Variants in ACOX3 observed in about 807,000 individuals in gnomAD.
ACOX3 encodes the protein peroxisomal acyl-coenzyme A oxidase 3.
A neutral mutation model predicts 81.5 loss-of-function variants in ACOX3; 73 were observed. That is an observed-to-expected ratio of 0.90 (90% CI 0.74 to 1.09). The LOEUF is 1.09. Ranked by LOEUF, ACOX3 falls within the 50% of genes least tolerant of loss-of-function variation. The probability of loss-of-function intolerance (pLI) is 0.00; values close to 1 mark genes in which losing one functional copy is unlikely to be tolerated. For synonymous variants in ACOX3, 387 were observed against 375.1 expected, an observed-to-expected ratio of 1.03 and a Z score of -0.37; for missense variants, 947 against 928.0, an observed-to-expected ratio of 1.02 and a Z score of -0.27.
rs2108903109 is a variant in ACOX3 at position 8,399,854 on chromosome 4, C to G, written c.777-202G>C. ...GTGGCTCACGCCCAGAATCCCAACT[C>G]TTTGGAAGACTGAGGCAGGAGGATT... On this transcript the variant is annotated intron_variant, in intron 7 of 17. Transcript: ENST00000356406. The surrounding 1 kb of genome is among the most constrained non-coding windows in gnomAD (Gnocchi z 4.9). 6.6e-6 allele frequency among the ~76,000 whole-genome samples: 1 copy of G among 152,316 alleles called. No homozygotes were observed. The highest frequency in any genetic ancestry group is 2.1e-4 in the South Asian group (1 of 4,820).
chr4:8,394,912 C>G lies in ACOX3; in HGVS notation c.1057-170G>C. ...ACATCAGAAAGCCTTCACCCTGACA[C>G]GCTCTCAACTCAGCCAGTTCGGCTT... On this transcript the variant is annotated intron_variant, in intron 9 of 17. Transcript: ENST00000356406. The surrounding 1 kb of genome is among the most constrained non-coding windows in gnomAD (Gnocchi z 5.9). The G allele has an allele frequency of 1.1e-6, 1 of 874,946 alleles. No individual in the cohort carries two copies. The highest frequency in any genetic ancestry group is 1.7e-6 in the Non-Finnish European group (1 of 602,032). 54.2% of individuals were successfully genotyped at this position (874,946 alleles called of 1,614,324 possible). A position where few individuals can be genotyped will look rare whatever the true frequency, so the allele number is the denominator to read the frequency against.
chr4:8,355,549 G>T, the ACOX3 span: 1 of 152,132 alleles, frequency 6.6e-6, no homozygotes, highest in Non-Finnish European at 1.5e-5. Flanking sequence ...ATACATTCCT[G>T]GTCAATTAAA....
chr4:8,416,596 C>T lies in ACOX3; in HGVS notation c.-14-61G>A. 6.7e-7 allele frequency: 1 copy of T among 1,483,446 alleles called. No individual in the cohort carries two copies. 91.9% of individuals were successfully genotyped at this position (1,483,446 alleles called of 1,614,324 possible). ...CATCTATGGGTTCAAACTACCCCCA[C>T]CAACAGGAGAGCCCGCAACACCTTA... On this transcript the variant is annotated intron_variant, in intron 1 of 17. Transcript: ENST00000356406. This position sits in a 1 kb window ranked among gnomAD's most constrained non-coding sequence, Gnocchi z 4.2.
In ACOX3 at chr4:8,370,542, G is replaced by A. The variant is rs765955581; in HGVS notation, c.1983+366C>T. On this transcript the variant is annotated intron_variant, in intron 17 of 17. Transcript: ENST00000356406. The surrounding 1 kb of genome is among the most constrained non-coding windows in gnomAD (Gnocchi z 6.3). The stretch of plus-strand genomic sequence containing the variant: ...CAGGGATGGGGGAAGAGGCCTGCAG[G>A]GCCAGGAGCATGGTCAGATGGGGGT... Among the ~76,000 whole-genome samples the A allele has an allele frequency of 6.6e-6, 1 of 151,706 alleles. No individual in the cohort carries two copies. Among genetic ancestry groups the A allele is most frequent in the African/African-American group, 2.4e-5 (1 of 41,260 alleles).
chr4:8,372,480 A>G lies in ACOX3; in HGVS notation c.1896+1081T>C, dbSNP rs1716335916. On this transcript the variant is annotated intron_variant, in intron 16 of 17. Transcript: ENST00000356406. ...CGTGCTTTCCTTGGTGCACCTGCATACTCTGAAGGCCTCCATGGGGTCAAC... is the reference window on the plus strand; with the variant it reads ...CGTGCTTTCCTTGGTGCACCTGCATGCTCTGAAGGCCTCCATGGGGTCAAC... 3.3e-5 allele frequency among the ~76,000 whole-genome samples: 5 copies of G among 151,990 alleles called. No individual in the cohort carries two copies. In the South Asian group the frequency reaches 8.3e-4, roughly 25 times the overall value.
chr4:8,387,051 G>A (rs1718399553), intron 13 of ACOX3, among the ~76,000 whole-genome samples: 1 of 152,232 alleles, frequency 6.6e-6, no homozygotes. Flanking sequence ...CTGGTCTCCT[G>A]AATGCAAAGC....
chr4:8,440,456 G>A (rs746260798), intron 1 of ACOX3, among the ~76,000 whole-genome samples, 192 bp downstream of exon 1: 17 of 152,192 alleles, frequency 1.1e-4, no homozygotes, highest in Non-Finnish European at 2.1e-4. Flanking sequence ...CAGAACCCAA[G>A]TGGAGAAAAG....
Position 8,414,220 on chromosome 4 carries a change from G to A in ACOX3, c.543+72C>T. On this transcript the variant is annotated intron_variant, in intron 5 of 17. Coordinates refer to ENST00000356406, the MANE Select transcript of ACOX3 (RefSeq NM_003501.3). The surrounding 1 kb of genome is among the most constrained non-coding windows in gnomAD (Gnocchi z 6.1). ...TTTAATGTTTTTTTTTTCTTATTCT[G>A]GGCAACGGCATTTGCACTCATGACG... 7.8e-7 allele frequency: 1 copy of A among 1,281,686 alleles called. No individual in the cohort carries two copies. The highest frequency in any genetic ancestry group is 1.1e-6 in the Non-Finnish European group (1 of 888,308). The allele number at this position is 1,281,686 out of a possible 1,614,324, so 79.4% of individuals were successfully genotyped here.
chr4:8,373,261 A>C (rs1423545622), intron 16 of ACOX3, among the ~76,000 whole-genome samples: 5 of 151,678 alleles, frequency 3.3e-5, no homozygotes, highest in Non-Finnish European at 7.4e-5. Context: ...ATTTTCTTGT[A>C]ATCCTACAGT....
chr4:8,408,696 C>T (rs1025048614), intron 6 of ACOX3, among the ~76,000 whole-genome samples: 1 of 152,128 alleles, frequency 6.6e-6, no homozygotes, highest in African/African-American at 2.4e-5. Context: ...TCCCAGCACA[C>T]GACTCCTAAA....
intron 6 of ACOX3, among the ~76,000 whole-genome samples, chr4:8,408,333 G>A (rs1388037568): frequency 6.6e-6 from 1 of 151,944 alleles, no homozygotes; most frequent in African/African-American, 2.4e-5. Context: ...CTCAGGTCTG[G>A]GGCGCAGATC....
chr4:8,404,718 A>AC (rs1194174052), intron 7 of ACOX3, among the ~76,000 whole-genome samples: 1 of 152,084 alleles, frequency 6.6e-6, no homozygotes, highest in African/African-American at 2.4e-5. Flanking sequence ...GGTCATGATA[A>AC]CCAGTTATTT....
At position 8,436,898 on chromosome 4, in the gene ACOX3, A is replaced by C. The variant is rs377004553; in HGVS notation, c.-15+3750T>G. Among the ~76,000 whole-genome samples, 4 of 149,062 alleles carry C rather than the reference A, an allele frequency of 2.7e-5. No homozygotes were observed. The East Asian group carries it at 7.8e-4, about 29-fold the overall frequency. On this transcript the variant is annotated intron_variant, in intron 1 of 17. Coordinates refer to ENST00000356406, the MANE Select transcript of ACOX3 (RefSeq NM_003501.3). ...TCCCAGCTACTCGGGAGGCTGAGGCAGGAGAATTGTGTGAACCTGGGAGGT... is the reference window on the plus strand; with the variant it reads ...TCCCAGCTACTCGGGAGGCTGAGGCCGGAGAATTGTGTGAACCTGGGAGGT...
chr4:8,426,429 C>G (rs979285328), intron 1 of ACOX3, among the ~76,000 whole-genome samples: 3 of 152,074 alleles, frequency 2.0e-5, no homozygotes, highest in African/African-American at 7.2e-5. Context: ...TTCCTGTGAA[C>G]CTCTAGAGGA....
intron 1 of ACOX3, chr4:8,436,507 A>AG (rs1724242884): frequency 6.6e-6 from 1 of 152,206 alleles, no homozygotes; most frequent in African/African-American, 2.4e-5. Flanking sequence ...AAAAGGGGAA[A>AG]AAAGACCCAG....
In ACOX3 at chr4:8,416,742, C is replaced by T. The variant is rs887024877; in HGVS notation, c.-14-207G>A. 2.0e-5 allele frequency among the ~76,000 whole-genome samples: 3 copies of T among 152,264 alleles called. No homozygotes were observed. The highest frequency in any genetic ancestry group is 4.4e-5 in the Non-Finnish European group (3 of 68,042). ...AAGAATTCCCTCGTCCACTCCTGAA[C>T]ACAGATGCCAAGGACACAGAAGAGA... On this transcript the variant is annotated intron_variant, in intron 1 of 17. Transcript: ENST00000356406. This position sits in a 1 kb window ranked among gnomAD's most constrained non-coding sequence, Gnocchi z 4.2.
At chr4:8,367,523 G>A (rs1169182705) in intron 17 of ACOX3, among the ~76,000 whole-genome samples, 1 of 151,586 alleles carries the variant, frequency 6.6e-6, no homozygotes, top group East Asian at 1.9e-4. Flanking sequence ...AAAAAGCACA[G>A]GAAATTCTCT....
At position 8,432,716 on chromosome 4, in the gene ACOX3, C is replaced by T. The variant is rs968648195; in HGVS notation, c.-15+7932G>A. Among the ~76,000 whole-genome samples, 1 of 152,146 alleles carries T rather than the reference C, an allele frequency of 6.6e-6. No homozygotes were observed. Among genetic ancestry groups the T allele is most frequent in the Admixed American group, 6.5e-5 (1 of 15,274 alleles). On this transcript the variant is annotated intron_variant, in intron 1 of 17. Transcript: ENST00000356406. This position sits in a 1 kb window ranked among gnomAD's most constrained non-coding sequence, Gnocchi z 6.2. ...CTGCCACTCAGGGCGCTCAGAGCAG[C>T]CAGGGACTTCCGGTTGGAGCCTCCA... is the stretch of plus-strand genomic sequence containing the variant.
At chr4:8,440,307 C>G (rs1560213621) in intron 1 of ACOX3, among the ~76,000 whole-genome samples, 1 of 152,250 alleles carries the variant, frequency 6.6e-6, no homozygotes, top group Non-Finnish European at 1.5e-5. Flanking sequence ...GGAGTTTTGT[C>G]TGTGGCTTGT....
Sources: allele counts gnomAD v4.1 joint callset (sites outside exome capture counted in the v4.1 genomes callset), GRCh38; gene constraint gnomAD v4.1.1; non-coding constraint Gnocchi (gnomAD v3.1); transcripts MANE v1.5; gene names NCBI Gene and HGNC (gene_info 2026-07-23, HGNC 2026-07-21).